The following TMEM132D variants were observed in gnomAD, a reference collection of about 807,000 sequenced individuals.
TMEM132D encodes transmembrane protein 132D.
A neutral mutation model predicts 62.3 loss-of-function variants in TMEM132D; 21 were observed. That is an observed-to-expected ratio of 0.34 (90% CI 0.24 to 0.49). TMEM132D has a LOEUF of 0.49. Among genes scored for constraint, TMEM132D ranks in the 20% least tolerant of loss-of-function variants. The pLI is 0.99. For missense variants in TMEM132D, 1,346 were observed against 1,402.8 expected (o/e 0.96, Z 0.65); for synonymous variants, 621 against 575.6 (o/e 1.08, Z -1.13).
chr12:129,438,193 A>G (rs1018665798), intron 3 of TMEM132D, among the ~76,000 whole-genome samples: 5 of 152,158 alleles, frequency 3.3e-5, no homozygotes, highest in African/African-American at 4.8e-5. Flanking sequence ...ATAGTGCTGC[A>G]ATAAACATAC....
intron 3 of TMEM132D, among the ~76,000 whole-genome samples, chr12:129,490,972 C>T (rs529136644): frequency 4.5e-4 from 68 of 152,256 alleles, no homozygotes; most frequent in African/African-American, 1.5e-3. Context: ...CCTGCTGGTT[C>T]CCACGGATTT....
At chr12:129,101,984 G>GT (rs774221783) in intron 5 of TMEM132D, among the ~76,000 whole-genome samples, 37,963 of 126,694 alleles carry the variant, frequency 0.3, 6,490 homozygotes, top group South Asian at 0.42. Context: ...CAAAGCTGCT[G>GT]TTTTTTTTTT....
At chr12:129,142,116 A>C (rs530085681) in intron 5 of TMEM132D, among the ~76,000 whole-genome samples, 1 of 151,632 alleles carries the variant, frequency 6.6e-6, no homozygotes, top group Non-Finnish European at 1.5e-5. Context: ...AAAAATAAAA[A>C]GGTTGGCCAT....
At chr12:129,105,378 C>A (rs1359356690) in intron 5 of TMEM132D, among the ~76,000 whole-genome samples, 1 of 122,990 alleles carries the variant, frequency 8.1e-6, no homozygotes, top group African/African-American at 3.4e-5. Context: ...GAACATCACA[C>A]TCTGGGGACC....
chr12:129,130,049 G>GTGTA (rs1172732018), intron 5 of TMEM132D, among the ~76,000 whole-genome samples: 1 of 150,970 alleles, frequency 6.6e-6, no homozygotes, highest in Non-Finnish European at 1.5e-5. Context: ...GTGTGTGTGT[G>GTGTA]TGTGTTTATT....
chr12:129,564,930 T>C (rs1244977611), intron 2 of TMEM132D, among the ~76,000 whole-genome samples: 2 of 152,132 alleles, frequency 1.3e-5, no homozygotes, highest in African/African-American at 2.4e-5. Flanking sequence ...ATGAGAAAAG[T>C]GGGGAGCCCC....
In TMEM132D at chr12:129,415,827, A is replaced by C. The variant is rs551874798; in HGVS notation, c.1116-78010T>G. On this transcript the variant is annotated intron_variant, in intron 3 of 8. Transcript: ENST00000422113. ...TGATCAGACTGGCATGGTGGCTGAC[A>C]CCAGCACCCAACCCTCCCTTTCCTT... 2.0e-5 allele frequency among the ~76,000 whole-genome samples: 3 copies of C among 152,312 alleles called. No homozygotes were observed. In the South Asian group the frequency reaches 6.2e-4, roughly 32 times the overall value.
chr12:129,147,903 TA>T (rs1417132252), intron 5 of TMEM132D, among the ~76,000 whole-genome samples: 2 of 152,212 alleles, frequency 1.3e-5, no homozygotes, highest in Non-Finnish European at 2.9e-5. Flanking sequence ...GAATCTGGCC[TA>T]AACCAACTTT....
intron 2 of TMEM132D, among the ~76,000 whole-genome samples, chr12:129,668,398 T>A (rs1035937183): frequency 5.3e-5 from 8 of 151,512 alleles, no homozygotes; most frequent in Non-Finnish European, 1.0e-4. Context: ...ACTGTTGTCA[T>A]CCCCAGACAT....
At position 129,074,890 on chromosome 12, in the gene TMEM132D, C is replaced by T. The variant is rs2135605075; in HGVS notation, c.2285G>A (p.Gly762Glu). 6.2e-7 allele frequency: 1 copy of T among 1,613,916 alleles called. No individual in the cohort carries two copies. The highest frequency in any genetic ancestry group is 8.5e-7 in the Non-Finnish European group (1 of 1,180,012). Residue 762 changes from glycine (G) to glutamate (E), a missense_variant, in exon 9 of 9, where the codon GGA becomes GAA. By Grantham distance (98) the Gly-to-Glu change is moderately conservative. Transcript: ENST00000422113. ...TTCCACCTTGACCAGGGTGCCTTGT[C>T]CTTCTGTTTCCGCAGCAATGATAGG... ...KWPIIAAETE[G>E]QGTLVKVEMV... is the part of the protein sequence containing the mutation.
In TMEM132D at chr12:129,081,848, C is replaced by A; in HGVS notation, c.1834G>T (p.Asp612Tyr). ...WQVDITELIN[D>Y]FMQVEEPRIA... is the part of the protein sequence containing the mutation. ...CTGGGCTCCTCCACCTGCATGAAGTCATTTATCAGCTCCGTGATGTCCACT... is the reference window on the plus strand; with the variant it reads ...CTGGGCTCCTCCACCTGCATGAAGTAATTTATCAGCTCCGTGATGTCCACT... The change falls in exon 7 of 9, where the codon GAC (aspartate) becomes TAC (tyrosine). Residue 612 changes from aspartate to tyrosine, a missense_variant. Transcript: ENST00000422113. The A allele has an allele frequency of 1.2e-6, 2 of 1,613,880 alleles. No homozygotes were observed. Among genetic ancestry groups the A allele is most frequent in the East Asian group, 2.2e-5 (1 of 44,848 alleles).
chr12:129,792,470 G>A (rs777447114), intron 1 of TMEM132D, among the ~76,000 whole-genome samples: 65 of 152,156 alleles, frequency 4.3e-4, no homozygotes, highest in Non-Finnish European at 9.0e-4. Flanking sequence ...TAATCACTGA[G>A]TATTTATTCC....
At position 129,525,615 on chromosome 12, in the gene TMEM132D, G is replaced by A. The variant is rs774209111; in HGVS notation, c.1115+5444C>T. 1.2e-4 allele frequency among the ~76,000 whole-genome samples: 18 copies of A among 152,234 alleles called. 1 individual carries two copies. The highest frequency in any genetic ancestry group is 5.2e-4 in the Admixed American group (8 of 15,290). ...CTGTTGATTATTTCAAAGTGTGTGC[G>A]CATGTGTGACTGTATTTGATTCTCA... is the stretch of plus-strand genomic sequence containing the variant. On this transcript the variant is annotated intron_variant, in intron 3 of 8. Coordinates refer to ENST00000422113, the MANE Select transcript of TMEM132D (RefSeq NM_133448.3).
intron 3 of TMEM132D, among the ~76,000 whole-genome samples, chr12:129,408,310 T>C (rs1411448877): frequency 6.6e-6 from 1 of 152,254 alleles, no homozygotes; most frequent in Non-Finnish European, 1.5e-5. Context: ...AATTATTTTG[T>C]TATTTTTCTG....
chr12:129,813,631 T>TATATATATATATATATATA (rs36010730), intron 1 of TMEM132D, among the ~76,000 whole-genome samples: 12 of 144,014 alleles, frequency 8.3e-5, no homozygotes, highest in East Asian at 4.3e-4. Context: ...TATATATATA[T>TATATATATATATATATATA]TTTCAGGACT....
chr12:129,309,635 ATCT>A (rs1302691285), intron 4 of TMEM132D, among the ~76,000 whole-genome samples: 3 of 152,130 alleles, frequency 2.0e-5, no homozygotes, highest in Admixed American at 6.5e-5. Flanking sequence ...GTGAAATGGG[ATCT>A]TCTTTTCCAT....
intron 4 of TMEM132D, among the ~76,000 whole-genome samples, chr12:129,305,178 A>C (rs932250312): frequency 6.6e-6 from 1 of 152,238 alleles, no homozygotes; most frequent in Non-Finnish European, 1.5e-5. Context: ...GCCAGTTTAC[A>C]TTAGCAGCCC....
At chr12:129,137,259 T>A (rs61944813) in intron 5 of TMEM132D, among the ~76,000 whole-genome samples, 2 of 151,702 alleles carry the variant, frequency 1.3e-5, no homozygotes. Context: ...ATCACCACCA[T>A]CAACATCACT....
intron 1 of TMEM132D, among the ~76,000 whole-genome samples, chr12:129,805,164 C>T (rs1871937930): frequency 1.3e-5 from 2 of 151,594 alleles, no homozygotes; most frequent in Admixed American, 6.6e-5. Flanking sequence ...CTACCAATGC[C>T]TTTCTTCACA....
Sources: allele counts gnomAD v4.1 joint callset (sites outside exome capture counted in the v4.1 genomes callset), GRCh38; gene constraint gnomAD v4.1.1; transcripts MANE v1.5; gene names NCBI Gene and HGNC (gene_info 2026-07-23, HGNC 2026-07-21).